Variants in LRRIQ1 observed in about 807,000 individuals in gnomAD.
LRRIQ1 encodes the protein leucine rich repeats and IQ motif containing 1, also known as leucine-rich repeat- and IQ domain-containing protein 1.
In LRRIQ1, 210 loss-of-function variants were observed where a neutral mutation model predicts 211.9. The ratio of observed to expected loss-of-function variants is 0.99; its 90% CI spans 0.89 to 1.11. The LOEUF is 1.11. LRRIQ1 is among the 50% of genes most tolerant of loss of function. LRRIQ1 has a pLI of 0.00. For missense variants in LRRIQ1, 2,136 were observed against 1,939.5 expected (o/e 1.10, Z -1.90); for synonymous variants, 699 against 650.1 (o/e 1.08, Z -1.14).
At chr12:85,258,629 A>G (rs139012350) in intron 1 of LRRIQ1, among the ~76,000 whole-genome samples, 269 of 152,034 alleles carry the variant, frequency 1.8e-3, no homozygotes, top group African/African-American at 5.9e-3. Flanking sequence ...CTCAACCCCA[A>G]ATTTGCGCAA....
rs1222079315 is a variant in LRRIQ1 at position 85,217,726 on chromosome 12, ATG to A, written c.4823-11787_4823-11786del. 7.2e-3 allele frequency among the ~76,000 whole-genome samples: 1,040 copies of A among 144,088 alleles called. 20 individuals are homozygous for A. The highest frequency in any genetic ancestry group is 0.026 in the African/African-American group (971 of 36,884). 94.5% of individuals were successfully genotyped at this position (144,088 alleles called of 152,430 possible). On this transcript the variant is annotated intron_variant, in intron 24 of 26. Transcript: ENST00000393217. ...TATATGTGTGTGTATATATGTATAT[ATG>A]TGTATATATATGTAATGTGTGTGTA...
chr12:85,262,921 C>T (rs1362122413), exon 2 of LRRIQ1: 9 of 982,198 alleles, frequency 9.2e-6, no homozygotes, highest in Non-Finnish European at 1.2e-6. Flanking sequence ...CTAGGTTGTT[C>T]AGTTAAGGGA....
chr12:85,216,654 TTAAAGC>T (rs1211476191), intron 24 of LRRIQ1, among the ~76,000 whole-genome samples: 3 of 151,908 alleles, frequency 2.0e-5, no homozygotes. Flanking sequence ...GATTAATAGT[TTAAAGC>T]TAAAAAGTAA....
intron 1 of LRRIQ1, among the ~76,000 whole-genome samples, chr12:85,254,358 C>T (rs1390954335): frequency 6.6e-6 from 1 of 152,132 alleles, no homozygotes; most frequent in African/African-American, 2.4e-5. Flanking sequence ...TGATGTTTAA[C>T]TAGCATTTTG....
chr12:85,049,280 C>T (rs1199177849), intron 6 of LRRIQ1, among the ~76,000 whole-genome samples: 1 of 152,138 alleles, frequency 6.6e-6, no homozygotes, highest in Non-Finnish European at 1.5e-5. Context: ...AATTCCTCCC[C>T]CCTCATTATT....
chr12:85,200,360 G>C (rs1304445096), intron 24 of LRRIQ1, among the ~76,000 whole-genome samples: 1 of 152,092 alleles, frequency 6.6e-6, no homozygotes, highest in East Asian at 1.9e-4. Context: ...AGATCAAGGA[G>C]CTTTTGGGCG....
At chr12:85,243,642 A>G (rs544066158) in intron 26 of LRRIQ1, among the ~76,000 whole-genome samples, 4 of 151,508 alleles carry the variant, frequency 2.6e-5, no homozygotes, top group African/African-American at 9.6e-5. Context: ...TGTGTTGTAC[A>G]TGATACATGT....
chr12:85,198,212 T>C (rs1054243138), intron 24 of LRRIQ1, among the ~76,000 whole-genome samples: 1 of 140,296 alleles, frequency 7.1e-6, no homozygotes, highest in Non-Finnish European at 1.5e-5. Context: ...GGAATACTGT[T>C]GATGGGCATT....
intron 24 of LRRIQ1, among the ~76,000 whole-genome samples, chr12:85,224,344 A>G (rs1441021098): frequency 6.6e-6 from 1 of 151,814 alleles, no homozygotes; most frequent in Non-Finnish European, 1.5e-5. Context: ...GTGGCAATCT[A>G]GAACCAGAAA....
chr12:85,082,582 CTCTA>C (rs1277239132), intron 11 of LRRIQ1, among the ~76,000 whole-genome samples: 1 of 152,044 alleles, frequency 6.6e-6, no homozygotes, highest in Non-Finnish European at 1.5e-5. Context: ...TATTCTATAT[CTCTA>C]TCTCTCTTTG....
intron 16 of LRRIQ1, 24 bp downstream of exon 16, chr12:85,121,900 A>T (rs1888016613): frequency 6.6e-7 from 1 of 1,522,878 alleles, no homozygotes; most frequent in Middle Eastern, 1.7e-4. Context: ...CTTCCCATTG[A>T]TGTATTTAGA....
At chr12:85,250,972 T>C (rs1266419406) in intron 1 of LRRIQ1, among the ~76,000 whole-genome samples, 2 of 111,680 alleles carry the variant, frequency 1.8e-5, no homozygotes, top group East Asian at 4.7e-4. Flanking sequence ...TTATATTATA[T>C]ATATTATAGA....
intron 15 of LRRIQ1, among the ~76,000 whole-genome samples, chr12:85,113,111 C>A (rs949526700): frequency 3.3e-5 from 5 of 152,080 alleles, no homozygotes; most frequent in Non-Finnish European, 7.4e-5. Context: ...ACCTTGAGTA[C>A]AAATGTTCAG....
At chr12:85,106,791 A>T (rs990954465) in intron 15 of LRRIQ1, among the ~76,000 whole-genome samples, 176 bp downstream of exon 15, 2 of 152,192 alleles carry the variant, frequency 1.3e-5, no homozygotes, top group Non-Finnish European at 2.9e-5. Flanking sequence ...TTATTCTAAA[A>T]TAATTTTCTT....
At chr12:85,224,436 A>G (rs1472050598) in intron 24 of LRRIQ1, among the ~76,000 whole-genome samples, 1 of 152,104 alleles carries the variant, frequency 6.6e-6, no homozygotes, top group African/African-American at 2.4e-5. Flanking sequence ...ACATCCATAC[A>G]TATGTTTATT....
Position 85,221,452 on chromosome 12 carries a change from C to T in LRRIQ1, c.4823-8065C>T, listed in dbSNP as rs1894399187. Among the ~76,000 whole-genome samples, 5 of 152,134 alleles carry T rather than the reference C, an allele frequency of 3.3e-5. No homozygotes were observed. The South Asian group carries it at 1.0e-3, about 32-fold the overall frequency. ...CCCTTGATAATAGTAGGAAAGCAGA[C>T]ACATAGATAAGAAAATAAAATATAA... On this transcript the variant is annotated intron_variant, in intron 24 of 26. Coordinates refer to ENST00000393217, the MANE Select transcript of LRRIQ1 (RefSeq NM_001079910.2).
In LRRIQ1 at chr12:85,164,521, G is replaced by T. The variant is rs77444471; in HGVS notation, c.4822+3807G>T. ...TTAAGTGCTCAAAATGTAATCATTAGCAATAGTCATTTTAAAAGTATGGCA... is the reference window on the plus strand; with the variant it reads ...TTAAGTGCTCAAAATGTAATCATTATCAATAGTCATTTTAAAAGTATGGCA... On this transcript the variant is annotated intron_variant, in intron 24 of 26. Coordinates refer to ENST00000393217, the MANE Select transcript of LRRIQ1 (RefSeq NM_001079910.2). Among the ~76,000 whole-genome samples the T allele has an allele frequency of 5.5e-4, 83 of 152,222 alleles. 2 individuals are homozygous for T. The East Asian group carries it at 0.015, about 28-fold the overall frequency.
chr12:85,111,750 G>A lies in LRRIQ1; in HGVS notation c.3377+5135G>A, dbSNP rs150549446. 4.6e-5 allele frequency among the ~76,000 whole-genome samples: 7 copies of A among 152,122 alleles called. No individual in the cohort carries two copies. The East Asian group carries it at 1.3e-3, about 29-fold the overall frequency. The stretch of plus-strand genomic sequence containing the variant: ...CTACCAGAAATAAGCATTTTGGGAA[G>A]ACTTTTTTCATCAGCAAACCGATAA... On this transcript the variant is annotated intron_variant, in intron 15 of 26. Coordinates refer to ENST00000393217, the MANE Select transcript of LRRIQ1 (RefSeq NM_001079910.2).
At chr12:85,191,730 G>A (rs890567291) in intron 24 of LRRIQ1, among the ~76,000 whole-genome samples, 1 of 152,052 alleles carries the variant, frequency 6.6e-6, no homozygotes, top group East Asian at 1.9e-4. Context: ...GTAAGAAATG[G>A]CCAACGTGAC....
Sources: gnomAD v4.1 joint callset for allele counts (sites outside exome capture counted in the v4.1 genomes callset) on GRCh38, gnomAD v4.1.1 for gene constraint, MANE v1.5 for transcripts, NCBI Gene and HGNC (gene_info 2026-07-23, HGNC 2026-07-21) for gene names.